The following HUNK variants were observed in gnomAD, a reference collection of about 807,000 sequenced individuals.
The protein encoded by HUNK is hormonally up-regulated neu tumor-associated kinase.
In HUNK, 21 loss-of-function variants were observed where a neutral mutation model predicts 61.0. The observed-to-expected ratio is 0.34, with a 90% CI of 0.24 to 0.50. The LOEUF (loss-of-function observed/expected upper bound fraction) is 0.50, where lower values mean the gene tolerates loss of function less well. Ranked by LOEUF, HUNK falls within the 20% of genes least tolerant of loss-of-function variation. HUNK has a pLI of 0.98. For missense variants in HUNK, 772 were observed against 945.7 expected, an observed-to-expected ratio of 0.82 and a Z score of 2.41; for synonymous variants, 371 against 386.1, an observed-to-expected ratio of 0.96 and a Z score of 0.46.
At chr21:31,913,700 A>G (rs966308537) in intron 1 of HUNK, among the ~76,000 whole-genome samples, 1 of 151,854 alleles carries the variant, frequency 6.6e-6, no homozygotes, top group Non-Finnish European at 1.5e-5. Flanking sequence ...GCAGATGGAC[A>G]GTCATGAGCG....
intron 7 of HUNK, among the ~76,000 whole-genome samples, chr21:31,976,610 G>A (rs541633006): frequency 1.3e-5 from 2 of 151,472 alleles, no homozygotes; most frequent in Admixed American, 1.3e-4. Flanking sequence ...GGGACCACAG[G>A]CACGTGCCAC....
intron 1 of HUNK, among the ~76,000 whole-genome samples, chr21:31,919,591 C>A (rs2052609754): frequency 6.6e-6 from 1 of 152,150 alleles, no homozygotes; most frequent in Non-Finnish European, 1.5e-5. Flanking sequence ...ACTTGCTAAC[C>A]AATTGTGGAG....
chr21:31,988,025 C>T (rs115528563), intron 8 of HUNK, among the ~76,000 whole-genome samples: 175 of 152,298 alleles, frequency 1.1e-3, no homozygotes, highest in African/African-American at 3.9e-3. Context: ...GATTCCAGTT[C>T]GTTTTCTCCT....
At chr21:31,978,224 T>C (rs780775549) in intron 7 of HUNK, among the ~76,000 whole-genome samples, 4 of 152,238 alleles carry the variant, frequency 2.6e-5, no homozygotes, top group Non-Finnish European at 5.9e-5. Context: ...TGGTATATAT[T>C]TATCCTGTAC....
Position 31,924,380 on chromosome 21 carries a change from A to T in HUNK, c.262-88A>T. On this transcript the variant is annotated intron_variant, in intron 1 of 10. Transcript: ENST00000270112. The surrounding 1 kb of genome is among the most constrained non-coding windows in gnomAD (Gnocchi z 5.1). ...GTTTCTCCTCTGCAGAGACATAGCT[A>T]GCATTTTTCTTGGGTTCCTGTGAGT... is the stretch of plus-strand genomic sequence containing the variant. 8.4e-7 allele frequency: 1 copy of T among 1,190,630 alleles called. No individual in the cohort carries two copies. Among genetic ancestry groups the T allele is most frequent in the Non-Finnish European group, 1.2e-6 (1 of 845,426 alleles). The allele number at this position is 1,190,630 out of a possible 1,614,324, so 73.8% of individuals were successfully genotyped here.
intron 4 of HUNK, among the ~76,000 whole-genome samples, chr21:31,955,503 A>G (rs946899749): frequency 3.3e-5 from 5 of 151,692 alleles, no homozygotes; most frequent in African/African-American, 1.2e-4. Context: ...AGGCAGGAGA[A>G]TGGCGTGAAC....
intron 4 of HUNK, among the ~76,000 whole-genome samples, chr21:31,947,369 C>G (rs1255280948): frequency 6.8e-6 from 1 of 146,336 alleles, no homozygotes. Context: ...CAGTCTCAAG[C>G]CAGTGGCGCC....
intron 6 of HUNK, 147 bp downstream of exon 6, chr21:31,968,532 C>T (rs1291099196): frequency 1.2e-6 from 1 of 856,470 alleles, no homozygotes; most frequent in Non-Finnish European, 1.8e-6. Flanking sequence ...ACACCCACAC[C>T]CACACATCCA....
At chr21:31,988,315 C>A (rs1046386446) in intron 8 of HUNK, among the ~76,000 whole-genome samples, 2 of 152,190 alleles carry the variant, frequency 1.3e-5, no homozygotes, top group Non-Finnish European at 2.9e-5. Context: ...AGCCCAGGGC[C>A]AGTTTTATTA....
intron 5 of HUNK, among the ~76,000 whole-genome samples, chr21:31,967,009 T>G (rs1006153304): frequency 3.3e-5 from 5 of 152,142 alleles, no homozygotes; most frequent in African/African-American, 1.2e-4. Flanking sequence ...TGCCCACATG[T>G]GGGTATGCTG....
intron 4 of HUNK, among the ~76,000 whole-genome samples, chr21:31,953,090 A>G (rs1046319501): frequency 2.6e-5 from 4 of 152,156 alleles, no homozygotes; most frequent in Non-Finnish European, 5.9e-5. Context: ...ATCCTCACAT[A>G]CTTCTGAAAT....
In HUNK at chr21:31,945,516, TAA is replaced by T. The variant is rs533052603; in HGVS notation, c.611-517_611-516del. Among the ~76,000 whole-genome samples the T allele has an allele frequency of 2.2e-4, 33 of 152,324 alleles. 1 individual carries two copies. The highest frequency in any genetic ancestry group is 6.7e-4 in the African/African-American group (28 of 41,578). On this transcript the variant is annotated intron_variant, in intron 3 of 10. Transcript: ENST00000270112. ...TGCTGCATAACTTAGGGGGAATTTT[TAA>T]AAGACTTTCATGAAACGAAAACATT...
At chr21:31,971,165 G>A (rs1381833999) in intron 6 of HUNK, among the ~76,000 whole-genome samples, 2 of 152,086 alleles carry the variant, frequency 1.3e-5, no homozygotes, top group African/African-American at 2.4e-5. Context: ...TGCAACCTCC[G>A]CCTCCTGGGA....
chr21:31,910,634 A>C (rs560419781), intron 1 of HUNK, among the ~76,000 whole-genome samples: 1 of 152,068 alleles, frequency 6.6e-6, no homozygotes, highest in Non-Finnish European at 1.5e-5. Flanking sequence ...GATTACAGGC[A>C]TGCGCCACCA....
At chr21:31,899,484 G>C (rs1601366037) in intron 1 of HUNK, among the ~76,000 whole-genome samples, 1 of 152,078 alleles carries the variant, frequency 6.6e-6, no homozygotes, top group Non-Finnish European at 1.5e-5. Context: ...AGCTCTATGG[G>C]ATTAGGGACC....
In HUNK at chr21:31,873,756, C is replaced by T. The variant is rs769145120; in HGVS notation, c.82C>T (p.Pro28Ser). The part of the protein sequence containing the change: ...GGGGAEDAAR[P>S]AAACEGSFLP... ...CGGCGGCGCGGAGGACGCGGCCAGG[C>T]CCGCGGCGGCCTGCGAGGGAAGTTT... The change falls in exon 1 of 11, where the codon CCC becomes TCC. Residue 28 changes from proline to serine, a missense_variant. By Grantham distance (74) the Pro-to-Ser change is moderately conservative. Around this residue, in one of 2 missense-constraint regions of HUNK, gnomAD observed 359 missense variants for 501.3 expected, o/e 0.72. Transcript: ENST00000270112. This position sits in a 1 kb window ranked among gnomAD's most constrained non-coding sequence, Gnocchi z 6.1. The T allele has an allele frequency of 1.5e-4, 219 of 1,469,708 alleles. No homozygotes were observed. Among genetic ancestry groups the T allele is most frequent in the Non-Finnish European group, 1.8e-4 (204 of 1,111,292 alleles). The allele number at this position is 1,469,708 out of a possible 1,614,324, so 91.0% of individuals were successfully genotyped here.
chr21:31,980,472 C>A (rs1207304948), intron 7 of HUNK, among the ~76,000 whole-genome samples: 10 of 150,662 alleles, frequency 6.6e-5, no homozygotes, highest in Non-Finnish European at 1.3e-4. Flanking sequence ...CGCCTCCCAG[C>A]TTCAAGCGAT....
intron 2 of HUNK, among the ~76,000 whole-genome samples, chr21:31,935,857 G>A (rs755655906): frequency 4.0e-5 from 6 of 151,346 alleles, no homozygotes; most frequent in Middle Eastern, 3.2e-3. Context: ...TCACTCTGTC[G>A]CCCTAGGCTG....
At chr21:31,945,510 A>G (rs1056264174) in intron 3 of HUNK, among the ~76,000 whole-genome samples, 2 of 152,016 alleles carry the variant, frequency 1.3e-5, no homozygotes, top group African/African-American at 4.8e-5. Flanking sequence ...ACTTAGGGGG[A>G]ATTTTTAAAA....
Sources: allele counts gnomAD v4.1 joint callset (sites outside exome capture counted in the v4.1 genomes callset), GRCh38; gene constraint gnomAD v4.1.1; regional missense constraint gnomAD v4.1.1; non-coding constraint Gnocchi (gnomAD v3.1); transcripts MANE v1.5; gene names NCBI Gene and HGNC (gene_info 2026-07-23, HGNC 2026-07-21).